ERC2: variants seen among roughly 807,000 people sequenced by gnomAD.
ERC2 encodes the protein ELKS/RAB6-interacting/CAST family member 2.
ERC2 carries 42 observed loss-of-function variants against 114.8 expected under a neutral mutation model. The observed-to-expected ratio is 0.37, with a 90% CI of 0.29 to 0.47. ERC2 has a LOEUF of 0.47. Among genes scored for constraint, ERC2 ranks in the 20% least tolerant of loss-of-function variants. The pLI is 0.99. For synonymous variants in ERC2, 454 were observed against 425.5 expected, an observed-to-expected ratio of 1.07 and a Z score of -0.82; for missense variants, 939 against 1,150.7, an observed-to-expected ratio of 0.82 and a Z score of 2.66.
At chr3:55,649,773 C>T (rs917003630) in intron 17 of ERC2, among the ~76,000 whole-genome samples, 1 of 152,182 alleles carries the variant, frequency 6.6e-6, no homozygotes, top group African/African-American at 2.4e-5. Context: ...TGTGCCAGTG[C>T]TCCTTGGAAT....
intron 17 of ERC2, among the ~76,000 whole-genome samples, chr3:55,519,163 G>A (rs1466715790): frequency 6.6e-6 from 1 of 152,184 alleles, no homozygotes; most frequent in Non-Finnish European, 1.5e-5. Context: ...GGAAAACTGT[G>A]GCTTTCATCA....
chr3:55,954,288 G>A (rs1324069892), intron 12 of ERC2, among the ~76,000 whole-genome samples: 1 of 152,000 alleles, frequency 6.6e-6, no homozygotes, highest in Non-Finnish European at 1.5e-5. Context: ...TAAATCAAGG[G>A]ATGTCACTAT....
intron 3 of ERC2, among the ~76,000 whole-genome samples, chr3:56,278,756 C>T (rs929340378): frequency 2.0e-5 from 3 of 152,116 alleles, no homozygotes; most frequent in Non-Finnish European, 2.9e-5. Context: ...GGGGAGCCAG[C>T]GTGCAGATCA....
At chr3:55,955,248 T>TTGTGTG (rs60633794) in intron 12 of ERC2, 9,745 of 360,364 alleles carry the variant, frequency 0.027, 153 homozygotes, top group African/African-American at 0.052. Flanking sequence ...GGTGGTGTGT[T>TTGTGTG]TGTGTGTGTG....
chr3:56,106,780 C>A (rs1295882741), intron 6 of ERC2, among the ~76,000 whole-genome samples: 2 of 152,056 alleles, frequency 1.3e-5, no homozygotes, highest in Admixed American at 1.3e-4. Context: ...CTTGTGCTAG[C>A]AAGTCACTGG....
intron 3 of ERC2, among the ~76,000 whole-genome samples, chr3:56,254,579 ACAAT>A (rs1445365803): frequency 1.3e-5 from 2 of 152,294 alleles, no homozygotes; most frequent in African/African-American, 2.4e-5. Context: ...GCACATTTGC[ACAAT>A]CATTCATTCA....
intron 17 of ERC2, among the ~76,000 whole-genome samples, chr3:55,646,500 T>G (rs2060406305): frequency 1.3e-5 from 2 of 152,222 alleles, no homozygotes; most frequent in Admixed American, 1.3e-4. Flanking sequence ...AATGATTGTC[T>G]TTTTGGGAGA....
At chr3:56,173,856 G>A (rs888524735) in intron 3 of ERC2, 6 of 227,186 alleles carry the variant, frequency 2.6e-5, no homozygotes, top group Non-Finnish European at 4.2e-5. Flanking sequence ...ACATTACTCT[G>A]TGCTCCCAAT....
intron 15 of ERC2, among the ~76,000 whole-genome samples, chr3:55,712,826 C>G (rs189861799): frequency 5.3e-5 from 8 of 152,204 alleles, no homozygotes; most frequent in African/African-American, 1.9e-4. Flanking sequence ...ATTTGTTGTT[C>G]TCTCAACTAG....
At chr3:56,082,085 T>TTA (rs2149760573) in intron 6 of ERC2, among the ~76,000 whole-genome samples, 2 of 152,082 alleles carry the variant, frequency 1.3e-5, no homozygotes, top group African/African-American at 4.8e-5. Flanking sequence ...ATATATATAT[T>TTA]AAAAAGATTA....
chr3:55,735,031 T>C (rs1278700977), intron 14 of ERC2, 113 bp from the exon 15 acceptor site: 3 of 1,166,292 alleles, frequency 2.6e-6, no homozygotes, highest in Admixed American at 5.8e-5. Flanking sequence ...AAAGAAATTA[T>C]GAATACTACT....
At chr3:56,288,933 G>A (rs1413717480) in intron 3 of ERC2, among the ~76,000 whole-genome samples, 1 of 152,142 alleles carries the variant, frequency 6.6e-6, no homozygotes, top group African/African-American at 2.4e-5. Context: ...TAAATGAAAA[G>A]GCATGCCTTA....
intron 17 of ERC2, among the ~76,000 whole-genome samples, chr3:55,671,791 A>G (rs1360107872): frequency 6.6e-6 from 1 of 152,090 alleles, no homozygotes; most frequent in Non-Finnish European, 1.5e-5. Flanking sequence ...CTCATCCTAT[A>G]GTCCAAGAGA....
chr3:55,674,259 T>C (rs1239752433), intron 17 of ERC2, among the ~76,000 whole-genome samples: 5 of 152,176 alleles, frequency 3.3e-5, no homozygotes, highest in African/African-American at 9.7e-5. Context: ...GAACCAGTAT[T>C]TGAACTTGGT....
intron 4 of ERC2, among the ~76,000 whole-genome samples, chr3:56,164,311 C>T (rs1018831589): frequency 6.6e-6 from 1 of 151,950 alleles, no homozygotes; most frequent in Non-Finnish European, 1.5e-5. Flanking sequence ...CCCTAATTTG[C>T]CTACACTGGA....
In ERC2 at chr3:56,320,674, A is replaced by G. The variant is rs115324740; in HGVS notation, c.658-24239T>C. On this transcript the variant is annotated intron_variant, in intron 2 of 17. Coordinates refer to ENST00000288221, the MANE Select transcript of ERC2 (RefSeq NM_015576.3). ...GAATGTGTACATCAAGAAAAAAAAT[A>G]AATCTAGAAGGAAGGATTGATATGA... 3.0e-3 allele frequency among the ~76,000 whole-genome samples: 450 copies of G among 152,334 alleles called. 1 individual carries two copies. The highest frequency in any genetic ancestry group is 5.4e-3 in the Non-Finnish European group (366 of 68,034).
intron 12 of ERC2, among the ~76,000 whole-genome samples, chr3:55,959,160 A>T (rs989733134): frequency 2.6e-5 from 4 of 152,166 alleles, no homozygotes; most frequent in Non-Finnish European, 5.9e-5. Flanking sequence ...TTCCTACCCA[A>T]GCCAAGAAAA....
chr3:56,008,268 T>G (rs2072658508), intron 9 of ERC2, among the ~76,000 whole-genome samples: 1 of 152,122 alleles, frequency 6.6e-6, no homozygotes, highest in Non-Finnish European at 1.5e-5. Context: ...GGAATAACCT[T>G]GATGATAAAA....
intron 2 of ERC2, among the ~76,000 whole-genome samples, chr3:56,324,357 A>C (rs1020102109): frequency 6.6e-6 from 1 of 152,188 alleles, no homozygotes; most frequent in African/African-American, 2.4e-5. Flanking sequence ...ATGCTCCTTG[A>C]CTTAGCACAA....
Sources: gnomAD v4.1 joint callset for allele counts (sites outside exome capture counted in the v4.1 genomes callset) on GRCh38, gnomAD v4.1.1 for gene constraint, MANE v1.5 for transcripts, NCBI Gene and HGNC (gene_info 2026-07-23, HGNC 2026-07-21) for gene names.